The following ATM variants were observed in gnomAD, a reference collection of about 807,000 sequenced individuals.
ATM encodes serine-protein kinase ATM.
In ATM, 308 loss-of-function variants were observed where a neutral mutation model predicts 387.0. That is an observed-to-expected ratio of 0.80 (90% confidence interval 0.73 to 0.87). ATM has a LOEUF of 0.87. ATM is among the 40% of genes least tolerant of loss of function. ATM has a pLI of 0.00. For synonymous variants in ATM, 1,156 were observed against 1,187.3 expected (o/e 0.97, Z 0.54); for missense variants, 3,312 against 3,560.9 (o/e 0.93, Z 1.78).
chr11:108,260,870 AG>A (rs1351418165), intron 16 of ATM, among the ~76,000 whole-genome samples: 1 of 152,190 alleles, frequency 6.6e-6, no homozygotes, highest in East Asian at 1.9e-4. Flanking sequence ...AGTCAAAGAA[AG>A]GGGGGACGGA....
rs754321130 is a variant in ATM at position 108,312,516 on chromosome 11, T to G, written c.6006+18T>G. 3 of 1,487,444 alleles carry G rather than the reference T, an allele frequency of 2.0e-6. No individual in the cohort carries two copies. Among genetic ancestry groups the G allele is most frequent in the Non-Finnish European group, 2.8e-6 (3 of 1,065,560 alleles). 92.1% of individuals were successfully genotyped at this position (1,487,444 alleles called of 1,614,324 possible). A position where few individuals can be genotyped will look rare whatever the true frequency, so the allele number is the denominator to read the frequency against. The stretch of plus-strand genomic sequence containing the variant: ...GTTTACAGGTAAATATTAGAGGCTC[T>G]ATTATTTATGACAGTATTTATCTCA... On this transcript the variant is annotated intron_variant, in intron 40 of 62. Coordinates refer to ENST00000675843, the MANE Select transcript of ATM (RefSeq NM_000051.4).
At chr11:108,314,918 A>G (rs559675425) in intron 40 of ATM, among the ~76,000 whole-genome samples, 39 of 152,338 alleles carry the variant, frequency 2.6e-4, no homozygotes, top group African/African-American at 9.1e-4. Context: ...TCTGTCTGAA[A>G]TTGTAGGCAA....
intron 16 of ATM, among the ~76,000 whole-genome samples, chr11:108,261,315 G>A (rs1028416955): frequency 3.9e-5 from 6 of 152,160 alleles, no homozygotes; most frequent in African/African-American, 1.4e-4. Context: ...TCCTCAAGTG[G>A]GTCCCTGACC....
intron 22 of ATM, among the ~76,000 whole-genome samples, chr11:108,276,915 C>T (rs2081980057): frequency 6.6e-6 from 1 of 152,202 alleles, no homozygotes; most frequent in African/African-American, 2.4e-5. Context: ...CCGCTATTCT[C>T]TTCAGAGCTG....
chr11:108,315,296 G>C (rs1436263209), intron 40 of ATM, among the ~76,000 whole-genome samples: 1 of 152,192 alleles, frequency 6.6e-6, no homozygotes, highest in Non-Finnish European at 1.5e-5. Flanking sequence ...ATGCAATTAT[G>C]ATTTAATACT....
chr11:108,313,088 A>T (rs2084315257), intron 40 of ATM, among the ~76,000 whole-genome samples: 1 of 152,174 alleles, frequency 6.6e-6, no homozygotes, highest in African/African-American at 2.4e-5. Flanking sequence ...TCCCACTCTC[A>T]AACATTGAAA....
At chr11:108,305,591 G>GA (rs996819375) in intron 37 of ATM, among the ~76,000 whole-genome samples, 5 of 150,906 alleles carry the variant, frequency 3.3e-5, no homozygotes, top group African/African-American at 7.3e-5. Flanking sequence ...TCTAAAAAAA[G>GA]AAAAAAAACC....
In ATM at chr11:108,268,232, A is replaced by G. The variant is rs1274972879; in HGVS notation, c.2639-178A>G. 2.6e-5 allele frequency among the ~76,000 whole-genome samples: 4 copies of G among 152,230 alleles called. No individual in the cohort carries two copies. In the East Asian group the frequency reaches 5.8e-4, roughly 22 times the overall value. On this transcript the variant is annotated intron_variant, in intron 17 of 62. Transcript: ENST00000675843. The stretch of plus-strand genomic sequence containing the variant: ...TCATATTTTAAATTATTTCTTGACA[A>G]CAGAATCTTGGATAATTTTTCAAAA...
chr11:108,286,737 C>T (rs1310797704), intron 26 of ATM, among the ~76,000 whole-genome samples: 2 of 152,058 alleles, frequency 1.3e-5, no homozygotes, highest in African/African-American at 2.4e-5. Flanking sequence ...CCTTAGGTTC[C>T]CTGCCTCCAG....
At position 108,354,496 on chromosome 11, in the gene ATM, T is replaced by C. The variant is rs56135055; in HGVS notation, c.8787-315T>C. ...TGTACTCAACTTGGATTGGGGCAGA[T>C]TGCAGTCAGTGTAAACTAATAATTG... On this transcript the variant is annotated intron_variant, in intron 60 of 62. Coordinates refer to ENST00000675843, the MANE Select transcript of ATM (RefSeq NM_000051.4). 8.7e-3 allele frequency among the ~76,000 whole-genome samples: 1,322 copies of C among 152,344 alleles called. 19 individuals are homozygous for C. Among genetic ancestry groups the C allele is most frequent in the African/African-American group, 0.03 (1,232 of 41,582 alleles).
rs4986839 is a variant in ATM at position 108,353,888 on chromosome 11, A to T, written c.8786+8A>T. 1 of 1,604,240 alleles carries T rather than the reference A, an allele frequency of 6.2e-7. No homozygotes were observed. Among genetic ancestry groups the T allele is most frequent in the Non-Finnish European group, 8.5e-7 (1 of 1,171,110 alleles). ...TGAAGGTGTCTTCAGAAGGTAAGTG[A>T]TATGAAGTAAAGGAGGGAAATAATT... On this transcript the variant is annotated splice_region_variant and intron_variant, in intron 60 of 62. Transcript: ENST00000675843.
Position 108,317,503 on chromosome 11 carries a change from A to G in ATM, c.6329A>G (p.Asp2110Gly), listed in dbSNP as rs1032544874. ...YQAAWRNMQW[D>G]HCTSVSKEVE... Reference sequence around the variant, plus strand: ...GCAGCATGGAGGAATATGCAGTGGGACCATTGCACTTCCGTCAGGTAAGAA... The same window carrying G: ...GCAGCATGGAGGAATATGCAGTGGGGCCATTGCACTTCCGTCAGGTAAGAA... Residue 2110 changes from aspartate (D) to glycine (G), a missense_variant, in exon 43 of 63, where the codon GAC becomes GGC. Asp to Gly is a moderately conservative substitution (Grantham distance 94). Transcript: ENST00000675843. The G allele has an allele frequency of 1.2e-6, 2 of 1,609,870 alleles. No individual in the cohort carries two copies. Among genetic ancestry groups the G allele is most frequent in the Non-Finnish European group, 1.7e-6 (2 of 1,178,298 alleles).
intron 42 of ATM, among the ~76,000 whole-genome samples, chr11:108,316,719 C>CT (rs1396445036): frequency 7.3e-6 from 1 of 136,826 alleles, no homozygotes; most frequent in African/African-American, 2.8e-5. Flanking sequence ...ACCATCCTGG[C>CT]TAACACGGTG....
chr11:108,282,475 C>T (rs1316884527), intron 24 of ATM, among the ~76,000 whole-genome samples: 5 of 147,844 alleles, frequency 3.4e-5, no homozygotes, highest in South Asian at 2.1e-4. Context: ...GTTGGAAACT[C>T]TTAGCATATT....
chr11:108,330,452 T>C (rs771274761), intron 50 of ATM, 31 bp downstream of exon 50: 1 of 1,609,580 alleles, frequency 6.2e-7, no homozygotes, highest in Non-Finnish European at 8.5e-7. Context: ...TATTCTACCC[T>C]GTGCTTGAAA....
chr11:108,327,821 C>T, intron 48 of ATM, 63 bp downstream of exon 48: 1 of 1,207,202 alleles, frequency 8.3e-7, no homozygotes, highest in Non-Finnish European at 1.2e-6. Context: ...ATCTTTTCAT[C>T]AAGATCAATA....
chr11:108,308,987 A>G, intron 38 of ATM: 1 of 1,523,844 alleles, frequency 6.6e-7, no homozygotes, highest in Non-Finnish European at 8.8e-7. Context: ...TTGGGGTAGA[A>G]TGGTGTTGAC....
intron 24 of ATM, among the ~76,000 whole-genome samples, chr11:108,282,259 C>G (rs2135680859): frequency 6.6e-6 from 1 of 152,108 alleles, no homozygotes; most frequent in East Asian, 1.9e-4. Flanking sequence ...TCCCGAGTAG[C>G]TGGGACTACA....
At position 108,287,676 on chromosome 11, in the gene ATM, C is replaced by G. The variant is rs730881390; in HGVS notation, c.4070C>G (p.Ser1357Cys). 1.2e-6 allele frequency: 2 copies of G among 1,613,758 alleles called. No homozygotes were observed. The highest frequency in any genetic ancestry group is 2.2e-5 in the East Asian group (1 of 44,852). The change falls in exon 27 of 63, where the codon TCT (serine) becomes TGT (cysteine). Residue 1357 changes from serine to cysteine, a missense_variant. By Grantham distance (112) the Ser-to-Cys change is moderately radical. Transcript: ENST00000675843. ...ATGACGTTACATGAGCCAGCAAATTCTAGTGCCAGTCAGAGCACTGACCTC... is the reference window on the plus strand; with the variant it reads ...ATGACGTTACATGAGCCAGCAAATTGTAGTGCCAGTCAGAGCACTGACCTC... ...LLMTLHEPAN[S>C]SASQSTDLCD...
Sources: gnomAD v4.1 joint callset for allele counts (sites outside exome capture counted in the v4.1 genomes callset) on GRCh38, gnomAD v4.1.1 for gene constraint, MANE v1.5 for transcripts, NCBI Gene and HGNC (gene_info 2026-07-23, HGNC 2026-07-21) for gene names.